Variants in PAX4 observed in about 807,000 individuals in gnomAD.
PAX4 encodes paired box protein Pax-4.
In PAX4, 33 loss-of-function variants were observed where a neutral mutation model predicts 40.6. The observed-to-expected ratio is 0.81, with a 90% confidence interval of 0.62 to 1.09. PAX4 has a LOEUF of 1.09. Among genes scored for constraint, PAX4 ranks in the 50% least tolerant of loss-of-function variants. The pLI is 0.00. For synonymous variants in PAX4, 174 were observed against 170.6 expected (o/e 1.02, Z -0.16); for missense variants, 459 against 442.5 (o/e 1.04, Z -0.33).
chr7:127,613,642 C>G, intron 7 of PAX4, 110 bp from the exon 8 acceptor site: 2 of 1,532,318 alleles, frequency 1.3e-6, no homozygotes, highest in East Asian at 4.5e-5. Flanking sequence ...CCTTCCTCCT[C>G]AAGGCAGGGC....
intron 8 of PAX4, 94 bp from the exon 9 acceptor site, chr7:127,613,185 T>A: frequency 9.0e-7 from 1 of 1,108,362 alleles, no homozygotes; most frequent in Admixed American, 1.7e-5. Flanking sequence ...ACTCAGAATG[T>A]TGACCCTTCC....
chr7:127,612,990 C>A (rs372984330), intron 9 of PAX4, 32 bp downstream of exon 9: 4 of 1,524,678 alleles, frequency 2.6e-6, no homozygotes, highest in Admixed American at 3.3e-5. Context: ...GATGACTGAG[C>A]GGGCAGATGG....
At position 127,616,036 on chromosome 7, in the gene PAX4, A is replaced by G. The variant is rs777592105; in HGVS notation, c.-99-9T>C. On this transcript the variant is annotated splice_polypyrimidine_tract_variant and intron_variant, in intron 2 of 11. Transcript: ENST00000639438. ...CAGCTTGGGGGCTGGCTCTGCAATA[A>G]TGGGGGGTTATTTGGGTGAGGTCTT... is the stretch of plus-strand genomic sequence containing the variant. 8 of 1,297,324 alleles carry G rather than the reference A, an allele frequency of 6.2e-6. No individual in the cohort carries two copies. The highest frequency in any genetic ancestry group is 2.9e-5 in the African/African-American group (2 of 68,066). The allele number at this position is 1,297,324 out of a possible 1,614,324, so 80.4% of individuals were successfully genotyped here.
chr7:127,615,552 T>G, intron 3 of PAX4, 21 bp from the exon 4 acceptor site: 1 of 1,613,238 alleles, frequency 6.2e-7, no homozygotes, highest in Middle Eastern at 1.8e-4. Flanking sequence ...GACAGAGGTA[T>G]CCACACACCA....
chr7:127,611,544 G>A lies in PAX4; in HGVS notation c.904C>T (p.Pro302Ser), dbSNP rs886061968. The A allele has an allele frequency of 2.5e-6, 4 of 1,613,622 alleles. No individual in the cohort carries two copies. The highest frequency in any genetic ancestry group is 2.5e-6 in the Non-Finnish European group (3 of 1,179,858). Residue 302 changes from proline to serine, a missense_variant, in exon 11 of 12, where the codon CCC becomes TCC. Pro to Ser is a moderately conservative substitution (Grantham distance 74). Transcript: ENST00000639438. ...TGGCCTGAATTCTTACCCCAGCAGG[G>A]CTTGAGACAGGCTTTAGGTGGGGTG... ...SDTPPKACLK[P>S]CWGHLPPQPN... is the part of the protein sequence containing the mutation.
chr7:127,615,371 C>T (rs1049701523), intron 4 of PAX4, 30 bp downstream of exon 4: 1 of 1,614,084 alleles, frequency 6.2e-7, no homozygotes. Context: ...TTCCTGTCCC[C>T]ATCACTGGGT....
At chr7:127,613,587 G>T in intron 7 of PAX4, 55 bp from the exon 8 acceptor site, 1 of 1,593,482 alleles carries the variant, frequency 6.3e-7, no homozygotes, top group Non-Finnish European at 8.6e-7. Context: ...CAAGGCATGG[G>T]TCTCCCCTTA....
intron 2 of PAX4, among the ~76,000 whole-genome samples, chr7:127,616,414 A>G (rs1342561647): frequency 6.6e-6 from 1 of 152,180 alleles, no homozygotes; most frequent in African/African-American, 2.4e-5. Flanking sequence ...CGAGCCAGAG[A>G]TTCTGGGGTC....
In PAX4 at chr7:127,611,173, G is replaced by C; in HGVS notation, c.947C>G (p.Ser316Ter). 1 of 1,604,878 alleles carries C rather than the reference G, an allele frequency of 6.2e-7. No homozygotes were observed. The highest frequency in any genetic ancestry group is 8.5e-7 in the Non-Finnish European group (1 of 1,175,788). Residue 316 changes from serine (S) to a stop codon, truncating the protein, a stop_gained, in exon 12 of 12, where the codon TCA becomes TGA. Coordinates refer to ENST00000639438, the MANE Select transcript of PAX4 (RefSeq NM_001366110.1). LOFTEE classifies it low-confidence loss of function (END_TRUNC). Reference protein sequence around the residue: ...HLPPQPNSLDSGLLCLPCPSS... With the variant: ...HLPPQPNSLD ...AGGGCAAGGAAGGCAAAGCAGTCCT[G>C]AGTCCAGGGAATTCGGCTGTGGGGG...
At chr7:127,613,112 T>A (rs761454933) in intron 8 of PAX4, 21 bp from the exon 9 acceptor site, 36 of 1,599,638 alleles carry the variant, frequency 2.3e-5, no homozygotes, top group Admixed American at 3.3e-5. Context: ...ACAGGGACAA[T>A]GCAGCTGGCT....
At chr7:127,616,987 G>A (rs1794732558) in intron 2 of PAX4, among the ~76,000 whole-genome samples, 1 of 152,194 alleles carries the variant, frequency 6.6e-6, no homozygotes, top group Middle Eastern at 3.2e-3. Flanking sequence ...TAGTGCTGGA[G>A]ATCACCCCAA....
In PAX4 at chr7:127,613,540, G is replaced by T; in HGVS notation, c.563-8C>A. 1 of 1,614,102 alleles carries T rather than the reference G, an allele frequency of 6.2e-7. No homozygotes were observed. Among genetic ancestry groups the T allele is most frequent in the Non-Finnish European group, 8.5e-7 (1 of 1,179,954 alleles). On this transcript the variant is annotated splice_region_variant and splice_polypyrimidine_tract_variant and intron_variant, in intron 7 of 11. Coordinates refer to ENST00000639438, the MANE Select transcript of PAX4 (RefSeq NM_001366110.1). Reference sequence around the variant, plus strand: ...ACTGCCCACGCTGGAACTCTGCGGAGATCGAGTCTCACAAAGTAAGGGCAC... The same window carrying T: ...ACTGCCCACGCTGGAACTCTGCGGATATCGAGTCTCACAAAGTAAGGGCAC...
chr7:127,616,370 G>T (rs1287996971), intron 2 of PAX4, among the ~76,000 whole-genome samples: 1 of 152,146 alleles, frequency 6.6e-6, no homozygotes, highest in Non-Finnish European at 1.5e-5. Flanking sequence ...GTCTCCAGCT[G>T]CTCCTAAGCC....
Position 127,613,039 on chromosome 7 carries a change from C to T in PAX4, c.698G>A (p.Trp233Ter), listed in dbSNP as rs1794661703. ...AKWRRQEKLK[W>*]EMQLPGASQG... ...GAAATCACCTGGCAGCTGCATTTCC[C>T]ACTTGAGCTTCTCTTGCCGACGCCA... Residue 233 changes from tryptophan to a stop codon, truncating the protein, a stop_gained, in exon 9 of 12, where the codon TGG becomes TAG. Transcript: ENST00000639438. LOFTEE classifies it high-confidence loss of function. 2.5e-6 allele frequency: 4 copies of T among 1,613,058 alleles called. No homozygotes were observed. The highest frequency in any genetic ancestry group is 3.4e-6 in the Non-Finnish European group (4 of 1,179,928).
Position 127,611,053 on chromosome 7 carries a change from C to G in PAX4, c.*11G>C. The G allele has an allele frequency of 1.3e-6, 2 of 1,597,772 alleles. No homozygotes were observed. Among genetic ancestry groups the G allele is most frequent in the Non-Finnish European group, 1.7e-6 (2 of 1,170,688 alleles). On this transcript the variant is annotated 3_prime_UTR_variant, in exon 12 of 12. Coordinates refer to ENST00000639438, the MANE Select transcript of PAX4 (RefSeq NM_001366110.1). ...AGATCTTCTCTATGCCATCTCCTTC[C>G]CACTCCTGCCTCATTCCAAGCCATA...
chr7:127,615,286 G>C, intron 4 of PAX4, 115 bp downstream of exon 4: 1 of 1,606,366 alleles, frequency 6.2e-7, no homozygotes, highest in Non-Finnish European at 8.5e-7. Flanking sequence ...CCCAGGAAGT[G>C]ACCCAAGTCC....
rs146150953 is a variant in PAX4, at chr7:127,614,523, T to C, written c.395A>G (p.Gln132Arg). The change falls in exon 6 of 12, where the codon CAG becomes CGG. Residue 132 changes from glutamine to arginine, a missense_variant. Gln to Arg is a conservative substitution (Grantham distance 43, BLOSUM62 1). Transcript: ENST00000639438. ...SSINRVLRAL[Q>R]EDQGLPCTRL... ...TGTGCACGGTAGTCCCTGGTCCTCC[T>C]GTAATGCCCGCAGGACTCGGTTGAT... 5 of 1,597,000 alleles carry C rather than the reference T, an allele frequency of 3.1e-6. No homozygotes were observed. Among genetic ancestry groups the C allele is most frequent in the African/African-American group, 2.7e-5 (2 of 74,666 alleles).
In PAX4 at chr7:127,613,727, C is replaced by G. The variant is rs747881945; in HGVS notation, c.562+29G>C. The G allele has an allele frequency of 8.4e-5, 135 of 1,613,368 alleles. No homozygotes were observed. The Admixed American group carries it at 2.2e-3, about 26-fold the overall frequency. On this transcript the variant is annotated intron_variant, in intron 7 of 11. Transcript: ENST00000639438. Reference sequence around the variant, plus strand: ...GTCCCTGTGTCACACTGAGGACTCTCTGACCCTCCATCTGTCCCAGCCCAG... The same window carrying G: ...GTCCCTGTGTCACACTGAGGACTCTGTGACCCTCCATCTGTCCCAGCCCAG...
chr7:127,613,166 C>G (rs1794664451), intron 8 of PAX4, 75 bp from the exon 9 acceptor site: 3 of 1,217,754 alleles, frequency 2.5e-6, no homozygotes, highest in South Asian at 2.4e-5. Flanking sequence ...CCACATGTTC[C>G]TAGCCTGAAC....
Sources: gnomAD v4.1 joint callset for allele counts (sites outside exome capture counted in the v4.1 genomes callset) on GRCh38, gnomAD v4.1.1 for gene constraint, MANE v1.5 for transcripts, NCBI Gene and HGNC (gene_info 2026-07-23, HGNC 2026-07-21) for gene names.